SVOP: variants seen among roughly 807,000 people sequenced by gnomAD.
The protein encoded by SVOP is synaptic vesicle 2-related protein.
A neutral mutation model predicts 69.1 loss-of-function variants in SVOP; 17 were observed. The observed-to-expected ratio is 0.25, with a 90% CI of 0.17 to 0.37. The LOEUF (loss-of-function observed/expected upper bound fraction) is 0.37, where lower values mean the gene tolerates loss of function less well. SVOP is among the 10% of genes least tolerant of loss of function. The probability of loss-of-function intolerance (pLI) is 1.00; values close to 1 mark genes in which losing one functional copy is unlikely to be tolerated. For missense variants in SVOP, 435 were observed against 597.5 expected (o/e 0.73, Z 2.84); for synonymous variants, 238 against 238.6 (o/e 1.00, Z 0.02).
At chr12:108,964,211 AG>A (rs1416204922) in intron 5 of SVOP, among the ~76,000 whole-genome samples, 2 of 152,120 alleles carry the variant, frequency 1.3e-5, no homozygotes, top group Non-Finnish European at 2.9e-5. Flanking sequence ...ATCAAAAAAA[AG>A]AAAGAAAGAA....
At chr12:108,992,241 TAA>T (rs369631785) in intron 1 of SVOP, among the ~76,000 whole-genome samples, 7 of 145,722 alleles carry the variant, frequency 4.8e-5, no homozygotes, top group Admixed American at 2.0e-4. Flanking sequence ...ACATCACTGT[TAA>T]AAAAAAAAAA....
At chr12:109,012,749 G>A (rs562608449) in intron 1 of SVOP, among the ~76,000 whole-genome samples, 4 of 152,142 alleles carry the variant, frequency 2.6e-5, no homozygotes, top group South Asian at 2.1e-4. Flanking sequence ...ACAACATAGC[G>A]AAACCCCGTC....
chr12:108,912,269 T>C lies in SVOP; in HGVS notation c.*266A>G, dbSNP rs2039688911. On this transcript the variant is annotated 3_prime_UTR_variant, in exon 16 of 16. Transcript: ENST00000610966. Reference sequence around the variant, plus strand: ...CTGGCATTACCAGACCCTCCTAATATGGGTAGTCTTCCCATGTAGATCCAC... The same window carrying C: ...CTGGCATTACCAGACCCTCCTAATACGGGTAGTCTTCCCATGTAGATCCAC... 2 of 1,353,556 alleles carry C rather than the reference T, an allele frequency of 1.5e-6. No individual in the cohort carries two copies. The highest frequency in any genetic ancestry group is 1.8e-5 in the South Asian group (1 of 55,814). The allele number at this position is 1,353,556 out of a possible 1,614,324, so 83.8% of individuals were successfully genotyped here.
At chr12:108,943,643 C>T (rs903619966) in intron 7 of SVOP, among the ~76,000 whole-genome samples, 1 of 151,844 alleles carries the variant, frequency 6.6e-6, no homozygotes, top group Non-Finnish European at 1.5e-5. Context: ...CAGGCCCATA[C>T]CACCTGCACT....
Position 108,939,010 on chromosome 12 carries a change from A to C in SVOP, c.769-55T>G, listed in dbSNP as rs576899218. 19 of 1,611,628 alleles carry C rather than the reference A, an allele frequency of 1.2e-5. 5 individuals are homozygous for C. The African/African-American group carries it at 2.5e-4, about 21-fold the overall frequency. On this transcript the variant is annotated intron_variant, in intron 8 of 15. Transcript: ENST00000610966. ...GTGGCTGGTTAGGGTGGAACAGAGCACTCGCTTCTAGCCACACAGTGTTGC... is the reference window on the plus strand; with the variant it reads ...GTGGCTGGTTAGGGTGGAACAGAGCCCTCGCTTCTAGCCACACAGTGTTGC...
At chr12:108,942,583 C>T (rs141479667) in intron 7 of SVOP, among the ~76,000 whole-genome samples, 1,754 of 152,338 alleles carry the variant, frequency 0.012, 19 homozygotes, top group Middle Eastern at 0.02. Context: ...ACTCCCCTGG[C>T]TCCCTCCCTG....
At chr12:108,979,637 T>C (rs905157821) in intron 2 of SVOP, among the ~76,000 whole-genome samples, 2 of 152,180 alleles carry the variant, frequency 1.3e-5, no homozygotes, top group Non-Finnish European at 2.9e-5. Context: ...TGGAAAGGTA[T>C]GTACCAGAGG....
At chr12:108,936,683 C>G (rs1430260352) in intron 10 of SVOP, among the ~76,000 whole-genome samples, 3 of 152,118 alleles carry the variant, frequency 2.0e-5, no homozygotes, top group African/African-American at 7.2e-5. Context: ...ACCGTGTTGC[C>G]CAGCCTGGTC....
Position 108,949,730 on chromosome 12 carries a change from A to T in SVOP, c.579-4564T>A, listed in dbSNP as rs148726782. On this transcript the variant is annotated intron_variant, in intron 6 of 15. Coordinates refer to ENST00000610966, the MANE Select transcript of SVOP (RefSeq NM_018711.5). ...TTTTTTTTCTTAACATACACAGCAC[A>T]CTGTCAGCGTTCCACCCAAACATCC... Among the ~76,000 whole-genome samples the T allele has an allele frequency of 9.1e-3, 1,334 of 146,648 alleles. 7 individuals are homozygous for T. The highest frequency in any genetic ancestry group is 0.015 in the Non-Finnish European group (1,013 of 66,954).
intron 6 of SVOP, among the ~76,000 whole-genome samples, chr12:108,949,550 ATGAGCTAC>A (rs1315421310): frequency 5.3e-5 from 8 of 152,098 alleles, no homozygotes; most frequent in African/African-American, 1.9e-4. Context: ...GATTACAGGC[ATGAGCTAC>A]TGTGCCTGGC....
chr12:108,941,072 G>C (rs2039888586), intron 7 of SVOP, among the ~76,000 whole-genome samples, 163 bp from the exon 8 acceptor site: 1 of 152,118 alleles, frequency 6.6e-6, no homozygotes, highest in South Asian at 2.1e-4. Flanking sequence ...GTTGGGCCAG[G>C]GCTGCCATGT....
chr12:109,015,580 G>C (rs1417044372), intron 1 of SVOP, among the ~76,000 whole-genome samples: 1 of 152,180 alleles, frequency 6.6e-6, no homozygotes, highest in Non-Finnish European at 1.5e-5. Flanking sequence ...GCGGGGCCAA[G>C]GCGGGAGGGT....
intron 9 of SVOP, among the ~76,000 whole-genome samples, chr12:108,937,695 A>T (rs1338705776): frequency 6.6e-6 from 1 of 152,120 alleles, no homozygotes; most frequent in African/African-American, 2.4e-5. Context: ...TCACACACAC[A>T]CATGTGCCTT....
chr12:108,934,377 T>C, intron 10 of SVOP, 106 bp from the exon 11 acceptor site: 1 of 907,100 alleles, frequency 1.1e-6, no homozygotes, highest in Non-Finnish European at 1.7e-6. Flanking sequence ...GGGACCAGTC[T>C]TTGGGCTTCA....
In SVOP at chr12:108,912,522, C is replaced by T. The variant is rs754991158; in HGVS notation, c.*13G>A. On this transcript the variant is annotated 3_prime_UTR_variant, in exon 16 of 16. Coordinates refer to ENST00000610966, the MANE Select transcript of SVOP (RefSeq NM_018711.5). ...CTGCAGCCTCAAAGACCAGCTCAGT[C>T]CCCCATCGGTCACTATTCCTGAGAG... 8 of 1,613,746 alleles carry T rather than the reference C, an allele frequency of 5.0e-6. No homozygotes were observed. Among genetic ancestry groups the T allele is most frequent in the Non-Finnish European group, 6.8e-6 (8 of 1,179,690 alleles).
intron 11 of SVOP, among the ~76,000 whole-genome samples, chr12:108,927,589 CTTT>C (rs10679632): frequency 0.023 from 3,019 of 131,180 alleles, 27 homozygotes; most frequent in Middle Eastern, 0.077. Flanking sequence ...CTCTCTCTCT[CTTT>C]TTTTTTTTTT....
At chr12:108,966,929 A>G (rs2040048953) in intron 5 of SVOP, among the ~76,000 whole-genome samples, 1 of 142,338 alleles carries the variant, frequency 7.0e-6, no homozygotes, top group Non-Finnish European at 1.5e-5. Context: ...GGACACCACA[A>G]GCTTGGCAGT....
intron 5 of SVOP, among the ~76,000 whole-genome samples, chr12:108,961,901 A>C (rs1377597005): frequency 2.0e-5 from 3 of 152,198 alleles, no homozygotes; most frequent in Non-Finnish European, 2.9e-5. Flanking sequence ...TTATTTTGGC[A>C]TCATTATTCT....
At chr12:108,918,901 G>A (rs1212304031) in intron 13 of SVOP, among the ~76,000 whole-genome samples, 1 of 152,134 alleles carries the variant, frequency 6.6e-6, no homozygotes, top group East Asian at 1.9e-4. Flanking sequence ...CAGAGACCCT[G>A]ATCTTTTATC....
Sources: allele counts gnomAD v4.1 joint callset (sites outside exome capture counted in the v4.1 genomes callset), GRCh38; gene constraint gnomAD v4.1.1; transcripts MANE v1.5; gene names NCBI Gene and HGNC (gene_info 2026-07-23, HGNC 2026-07-21).